Variants in PDLIM5 observed in about 807,000 individuals in gnomAD.
The protein encoded by PDLIM5 is PDZ and LIM domain 5.
In PDLIM5, 34 loss-of-function variants were observed where a neutral mutation model predicts 64.2. The observed-to-expected ratio is 0.53, with a 90% CI of 0.40 to 0.71. PDLIM5 has a LOEUF of 0.71. Ranked by LOEUF, PDLIM5 falls within the 30% of genes least tolerant of loss-of-function variation. PDLIM5 has a pLI of 0.00. For synonymous variants in PDLIM5, 253 were observed against 269.1 expected, an observed-to-expected ratio of 0.94 and a Z score of 0.59; for missense variants, 683 against 733.6, an observed-to-expected ratio of 0.93 and a Z score of 0.80.
intron 2 of PDLIM5, among the ~76,000 whole-genome samples, chr4:94,511,407 A>G (rs1236822307): frequency 1.3e-5 from 2 of 152,124 alleles, no homozygotes; most frequent in Admixed American, 6.6e-5. Context: ...AATGCATAAT[A>G]ATCACATCGT....
intron 7 of PDLIM5, among the ~76,000 whole-genome samples, chr4:94,595,464 A>T (rs1430538369): frequency 1.3e-5 from 2 of 152,252 alleles, no homozygotes; most frequent in East Asian, 3.8e-4. Flanking sequence ...TAATGCCCAC[A>T]TGATTTCTGG....
chr4:94,522,530 C>G (rs555507402), intron 2 of PDLIM5, among the ~76,000 whole-genome samples: 1 of 152,222 alleles, frequency 6.6e-6, no homozygotes, highest in African/African-American at 2.4e-5. Flanking sequence ...CATGCACCAC[C>G]ACGCCCGGCT....
At chr4:94,640,474 T>A (rs1740909141) in intron 9 of PDLIM5, 24 bp downstream of exon 9, 7 of 1,478,870 alleles carry the variant, frequency 4.7e-6, no homozygotes, top group Admixed American at 2.2e-5. Context: ...TGAAATTTTC[T>A]TGAAAGTACT....
chr4:94,502,094 C>A (rs1450057279), intron 2 of PDLIM5, among the ~76,000 whole-genome samples: 1 of 151,868 alleles, frequency 6.6e-6, no homozygotes, highest in African/African-American at 2.4e-5. Flanking sequence ...CTTCTGCTTC[C>A]TTTTCTCTCT....
chr4:94,577,151 G>A, intron 5 of PDLIM5: 1 of 453,300 alleles, frequency 2.2e-6, no homozygotes, highest in Non-Finnish European at 4.4e-6. Flanking sequence ...TGACAAAAAT[G>A]TACCTTAAAA....
chr4:94,489,093 A>T (rs1726613451), intron 2 of PDLIM5: 1 of 152,224 alleles, frequency 6.6e-6, no homozygotes, highest in South Asian at 2.1e-4. Flanking sequence ...CTTTTGATGA[A>T]CTATAAGTAG....
At chr4:94,541,402 G>A (rs188979007) in intron 3 of PDLIM5, among the ~76,000 whole-genome samples, 50 of 152,200 alleles carry the variant, frequency 3.3e-4, no homozygotes, top group East Asian at 1.7e-3. Context: ...TGCACCCAAC[G>A]GATGAAAATT....
At chr4:94,642,061 G>C (rs1741041710) in intron 9 of PDLIM5, among the ~76,000 whole-genome samples, 1 of 152,158 alleles carries the variant, frequency 6.6e-6, no homozygotes, top group Admixed American at 6.5e-5. Flanking sequence ...GCATTTAGCT[G>C]TTATATTTTT....
intron 7 of PDLIM5, among the ~76,000 whole-genome samples, chr4:94,612,921 T>C (rs1267631860): frequency 6.6e-6 from 1 of 151,026 alleles, no homozygotes; most frequent in Non-Finnish European, 1.5e-5. Flanking sequence ...AAATATATTT[T>C]TCCATTAAAA....
chr4:94,641,992 T>TAA (rs1426027185), intron 9 of PDLIM5, among the ~76,000 whole-genome samples: 1 of 152,222 alleles, frequency 6.6e-6, no homozygotes, highest in East Asian at 1.9e-4. Context: ...TAAACTAATG[T>TAA]AAGATCTGGT....
intron 1 of PDLIM5, among the ~76,000 whole-genome samples, chr4:94,452,890 T>TCGGCTG (rs1418686109): frequency 1.3e-5 from 2 of 152,220 alleles, no homozygotes; most frequent in African/African-American, 2.4e-5. Context: ...AACTGTCCTG[T>TCGGCTG]CGGCTGCTTT....
In PDLIM5 at chr4:94,629,272, C is replaced by A. The variant is rs1481229862; in HGVS notation, c.1109-11004C>A. ...GCTGAGGCAGGAGGATTGCTTGAAC[C>A]TGGGGGGCGGAGGTCACAGTGAGCC... On this transcript the variant is annotated intron_variant, in intron 8 of 12. Coordinates refer to ENST00000317968, the MANE Select transcript of PDLIM5 (RefSeq NM_006457.5). Among the ~76,000 whole-genome samples the A allele has an allele frequency of 2.0e-5, 3 of 151,994 alleles. No homozygotes were observed. In the East Asian group the frequency reaches 5.8e-4, roughly 29 times the overall value.
intron 7 of PDLIM5, 140 bp downstream of exon 7, chr4:94,586,584 G>A (rs1736223503): frequency 8.1e-6 from 5 of 617,000 alleles, no homozygotes; most frequent in Admixed American, 2.9e-5. Context: ...GGTGCCTTTT[G>A]TGTGACCTAA....
chr4:94,594,334 G>A (rs1736899350), intron 7 of PDLIM5, among the ~76,000 whole-genome samples: 1 of 152,100 alleles, frequency 6.6e-6, no homozygotes, highest in Admixed American at 6.6e-5. Flanking sequence ...TGATTCCCAT[G>A]AGGAGAGAAT....
chr4:94,580,138 A>T (rs1260161189), intron 5 of PDLIM5, among the ~76,000 whole-genome samples: 1 of 152,102 alleles, frequency 6.6e-6, no homozygotes, highest in Non-Finnish European at 1.5e-5. Flanking sequence ...TTCAAACCTC[A>T]CTTTTGTGTT....
chr4:94,496,908 CAGA>C (rs1201409320), intron 2 of PDLIM5, among the ~76,000 whole-genome samples: 1 of 152,154 alleles, frequency 6.6e-6, no homozygotes, highest in Admixed American at 6.5e-5. Context: ...GAAGTAGTTC[CAGA>C]AATATTGGAT....
intron 8 of PDLIM5, 76 bp from the exon 9 acceptor site, chr4:94,640,200 A>T (rs999850403): frequency 3.0e-5 from 21 of 690,876 alleles, no homozygotes; most frequent in Admixed American, 6.8e-5. Flanking sequence ...TAAAATAATA[A>T]TTTTTATTAT....
At chr4:94,553,252 G>A (rs1243455352) in intron 3 of PDLIM5, among the ~76,000 whole-genome samples, 1 of 152,072 alleles carries the variant, frequency 6.6e-6, no homozygotes, top group African/African-American at 2.4e-5. Flanking sequence ...GGGATTACAG[G>A]TGCATGCCAG....
intron 3 of PDLIM5, among the ~76,000 whole-genome samples, chr4:94,566,244 A>G (rs1006008491): frequency 1.4e-4 from 21 of 152,146 alleles, no homozygotes; most frequent in Non-Finnish European, 2.8e-4. Context: ...TCTGTTTCCT[A>G]TATTTAAAAT....
Sources: allele counts gnomAD v4.1 joint callset (sites outside exome capture counted in the v4.1 genomes callset), GRCh38; gene constraint gnomAD v4.1.1; transcripts MANE v1.5; gene names NCBI Gene and HGNC (gene_info 2026-07-23, HGNC 2026-07-21).